Variants in SAMD12 observed in about 807,000 individuals in gnomAD.
SAMD12 encodes sterile alpha motif domain-containing protein 12.
A neutral mutation model predicts 15.0 loss-of-function variants in SAMD12; 9 were observed. That is an observed-to-expected ratio of 0.60 (90% CI 0.36 to 1.05). The LOEUF is 1.05. SAMD12 is among the 50% of genes least tolerant of loss of function. The pLI is 0.01. For synonymous variants in SAMD12, 86 were observed against 90.1 expected (o/e 0.96, Z 0.25); for missense variants, 230 against 234.2 (o/e 0.98, Z 0.12).
intron 2 of SAMD12, among the ~76,000 whole-genome samples, chr8:118,468,033 C>T (rs1247295532): frequency 6.6e-6 from 1 of 152,172 alleles, no homozygotes; most frequent in East Asian, 1.9e-4. Context: ...CTTCAGTAAT[C>T]TCATTCGTGC....
chr8:118,319,649 A>G (rs538521859), intron 4 of SAMD12, among the ~76,000 whole-genome samples: 1 of 152,298 alleles, frequency 6.6e-6, no homozygotes, highest in South Asian at 2.1e-4. Context: ...TTCAGGCCAG[A>G]TAAGACTCCC....
At chr8:118,301,992 A>T (rs529838284) in intron 4 of SAMD12, among the ~76,000 whole-genome samples, 1 of 151,928 alleles carries the variant, frequency 6.6e-6, no homozygotes, top group South Asian at 2.1e-4. Flanking sequence ...CGGGCTAGGG[A>T]CAATAATAAG....
At chr8:118,157,384 C>G in the SAMD12 span, among the ~76,000 whole-genome samples, 1 of 152,064 alleles carries the variant, frequency 6.6e-6, no homozygotes, top group Admixed American at 6.6e-5. Context: ...CATGGAACAC[C>G]AATACCAGGA....
intron 4 of SAMD12, among the ~76,000 whole-genome samples, chr8:118,287,257 T>C (rs545231519): frequency 6.6e-6 from 1 of 151,394 alleles, no homozygotes; most frequent in South Asian, 2.1e-4. Flanking sequence ...TCCGAGTAGC[T>C]GGGACTACAG....
intron 2 of SAMD12, among the ~76,000 whole-genome samples, chr8:118,510,605 G>T (rs1288906208): frequency 6.6e-6 from 1 of 152,148 alleles, no homozygotes; most frequent in African/African-American, 2.4e-5. Flanking sequence ...CTCCCCCAGG[G>T]TTATGCAGTG....
intron 2 of SAMD12, among the ~76,000 whole-genome samples, chr8:118,447,663 T>C (rs1448911684): frequency 6.6e-6 from 1 of 151,696 alleles, no homozygotes; most frequent in Non-Finnish European, 1.5e-5. Context: ...CCCAGCTCTT[T>C]GATGTCATCT....
chr8:118,132,967 T>G, the SAMD12 span, among the ~76,000 whole-genome samples: 13 of 66,890 alleles, frequency 1.9e-4, no homozygotes, highest in African/African-American at 7.9e-4. Flanking sequence ...CATATGTGTG[T>G]GTGTGTATAT....
chr8:118,227,032 G>C (rs1812203674), intron 4 of SAMD12, among the ~76,000 whole-genome samples: 1 of 152,086 alleles, frequency 6.6e-6, no homozygotes, highest in Non-Finnish European at 1.5e-5. Context: ...ACCTAGAAGA[G>C]TATAAATAAT....
chr8:118,354,962 C>T (rs1563789297), intron 4 of SAMD12, among the ~76,000 whole-genome samples: 1 of 152,222 alleles, frequency 6.6e-6, no homozygotes, highest in Non-Finnish European at 1.5e-5. Context: ...AAAAATACCA[C>T]TATGGAAAAC....
At chr8:118,549,662 T>C (rs952325512) in intron 2 of SAMD12, among the ~76,000 whole-genome samples, 2 of 151,970 alleles carry the variant, frequency 1.3e-5, no homozygotes, top group Admixed American at 6.5e-5. Flanking sequence ...TCACCAGCAA[T>C]GGAACAAAGC....
At chr8:118,271,873 G>C (rs1280838126) in intron 4 of SAMD12, among the ~76,000 whole-genome samples, 1 of 152,212 alleles carries the variant, frequency 6.6e-6, no homozygotes. Context: ...GCTTTGTAGA[G>C]TACAGCCCCC....
chr8:118,174,553 G>A, the SAMD12 span, among the ~76,000 whole-genome samples: 1 of 152,074 alleles, frequency 6.6e-6, no homozygotes, highest in East Asian at 1.9e-4. Context: ...TTACTATACT[G>A]GCAAATGCTC....
intron 3 of SAMD12, among the ~76,000 whole-genome samples, chr8:118,419,341 C>T (rs1165601356): frequency 2.0e-5 from 3 of 152,140 alleles, no homozygotes; most frequent in African/African-American, 7.2e-5. Context: ...GAGTTTCACA[C>T]TAATATTCTA....
intron 1 of SAMD12, among the ~76,000 whole-genome samples, chr8:118,598,170 C>T (rs2131293461): frequency 6.6e-6 from 1 of 152,314 alleles, no homozygotes; most frequent in South Asian, 2.1e-4. Context: ...AACCTAGTTT[C>T]ATCCGAGAAT....
At chr8:118,606,873 T>C (rs1378353743) in intron 1 of SAMD12, among the ~76,000 whole-genome samples, 1 of 152,178 alleles carries the variant, frequency 6.6e-6, no homozygotes, top group South Asian at 2.1e-4. Context: ...ATTTTCAGCA[T>C]CTTTTTTACT....
At chr8:118,175,034 CA>C in the SAMD12 span, among the ~76,000 whole-genome samples, 5,364 of 78,784 alleles carry the variant, frequency 0.068, 275 homozygotes, top group African/African-American at 0.17. Context: ...CAAAAAAAAA[CA>C]AAAAAAAAAA....
intron 4 of SAMD12, among the ~76,000 whole-genome samples, chr8:118,346,665 C>A (rs932607181): frequency 2.6e-5 from 4 of 152,152 alleles, no homozygotes; most frequent in African/African-American, 9.7e-5. Context: ...TAGGAGAACT[C>A]ACAGGACTCA....
At chr8:118,476,350 T>C (rs28421990) in intron 2 of SAMD12, among the ~76,000 whole-genome samples, 24,484 of 152,114 alleles carry the variant, frequency 0.16, 2,392 homozygotes, top group African/African-American at 0.27. Context: ...AGGAGTAATG[T>C]GGGCAGCATC....
At chr8:118,502,336 G>A (rs1363272810) in intron 2 of SAMD12, among the ~76,000 whole-genome samples, 1 of 152,030 alleles carries the variant, frequency 6.6e-6, no homozygotes, top group African/African-American at 2.4e-5. Flanking sequence ...TGATGAATAC[G>A]AAATTTGAAA....
Sources: gnomAD v4.1 joint callset for allele counts (sites outside exome capture counted in the v4.1 genomes callset) on GRCh38, gnomAD v4.1.1 for gene constraint, MANE v1.5 for transcripts, NCBI Gene and HGNC (gene_info 2026-07-23, HGNC 2026-07-21) for gene names.